The following ZBTB24 variants were observed in gnomAD, a reference collection of about 807,000 sequenced individuals.
ZBTB24 encodes the protein zinc finger and BTB domain containing 24, also known as zinc finger and BTB domain-containing protein 24.
Under a neutral mutation model 53.8 loss-of-function variants are expected in ZBTB24, and 32 were observed. The observed-to-expected ratio is 0.60, with a 90% CI of 0.45 to 0.80. The LOEUF (loss-of-function observed/expected upper bound fraction) is 0.80, where lower values mean the gene tolerates loss of function less well. ZBTB24 is among the 30% of genes least tolerant of loss of function. The probability of loss-of-function intolerance (pLI) is 0.00; values close to 1 mark genes in which losing one functional copy is unlikely to be tolerated. For synonymous variants in ZBTB24, 297 were observed against 306.7 expected (o/e 0.97, Z 0.33); for missense variants, 722 against 837.1 (o/e 0.86, Z 1.70).
intron 2 of ZBTB24, 143 bp from the exon 3 acceptor site, chr6:109,477,073 T>C (rs925712329): frequency 8.3e-7 from 1 of 1,210,798 alleles, no homozygotes; most frequent in Non-Finnish European, 1.2e-6. Flanking sequence ...ACATCAGCAA[T>C]AAAATTTTGG....
chr6:109,480,897 T>C lies in ZBTB24; in HGVS notation c.952+178A>G. On this transcript the variant is annotated intron_variant, in intron 2 of 6. Coordinates refer to ENST00000230122, the MANE Select transcript of ZBTB24 (RefSeq NM_014797.3). ...TAAATATGATTTTAATCATACAATG[T>C]ATAATGAGGATATTACCCACCTTGC... is the stretch of plus-strand genomic sequence containing the variant. 6.4e-6 allele frequency: 9 copies of C among 1,397,826 alleles called. 1 individual carries two copies. The South Asian group carries it at 1.2e-4, about 19-fold the overall frequency. 86.6% of individuals were successfully genotyped at this position (1,397,826 alleles called of 1,614,324 possible).
intron 2 of ZBTB24, among the ~76,000 whole-genome samples, chr6:109,478,739 C>A (rs761254056): frequency 6.6e-6 from 1 of 151,566 alleles, no homozygotes; most frequent in Non-Finnish European, 1.5e-5. Context: ...TTGCCAGTAG[C>A]TTTTAGCAAC....
Position 109,481,464 on chromosome 6 carries a change from A to C in ZBTB24, c.563T>G (p.Val188Gly), listed in dbSNP as rs1776412059. Residue 188 changes from valine to glycine, a missense_variant, in exon 2 of 7, where the codon GTG (valine) becomes GGG (glycine). Val to Gly is a moderately radical substitution (Grantham distance 109, BLOSUM62 -3). Coordinates refer to ENST00000230122, the MANE Select transcript of ZBTB24 (RefSeq NM_014797.3). ...LAAEEEIQLRVNNSVQNRQNF... is the reference protein window; with the variant it reads ...LAAEEEIQLRGNNSVQNRQNF... ...TTGTCTATTCTGAACTGAATTGTTC[A>C]CTCTTAACTGTATTTCTTCCTCTGC... The C allele has an allele frequency of 6.2e-7, 1 of 1,613,862 alleles. No individual in the cohort carries two copies. Among genetic ancestry groups the C allele is most frequent in the Non-Finnish European group, 8.5e-7 (1 of 1,180,018 alleles).
intron 5 of ZBTB24, among the ~76,000 whole-genome samples, chr6:109,470,645 G>A (rs1025038530): frequency 5.3e-5 from 8 of 152,190 alleles, no homozygotes; most frequent in African/African-American, 1.2e-4. Flanking sequence ...GTCCAGTTCC[G>A]TCCGTGTGGA....
chr6:109,479,963 A>T (rs1411338871), intron 2 of ZBTB24, among the ~76,000 whole-genome samples: 1 of 150,734 alleles, frequency 6.6e-6, no homozygotes, highest in Non-Finnish European at 1.5e-5. Flanking sequence ...AACCTATTAC[A>T]GTTCAACAAA....
chr6:109,467,460 T>A (rs1776071183), intron 6 of ZBTB24, 193 bp downstream of exon 6: 4 of 918,450 alleles, frequency 4.4e-6, no homozygotes, highest in Non-Finnish European at 3.9e-6. Flanking sequence ...CTCACACCAC[T>A]GCACTCCAGC....
At chr6:109,482,423 G>A (rs1024282384) in intron 1 of ZBTB24, among the ~76,000 whole-genome samples, 1 of 151,872 alleles carries the variant, frequency 6.6e-6, no homozygotes, top group African/African-American at 2.4e-5. Flanking sequence ...CCGTGATCGT[G>A]CCACTGCACT....
chr6:109,467,883 T>C (rs1368119024), intron 5 of ZBTB24, 149 bp from the exon 6 acceptor site: 8 of 871,702 alleles, frequency 9.2e-6, no homozygotes, highest in Non-Finnish European at 1.2e-5. Context: ...AAACGAATGA[T>C]GCACTCACCA....
In ZBTB24 at chr6:109,466,259, G is replaced by A. The variant is rs1025951778; in HGVS notation, c.1686C>T (p.Asn562=). The A allele has an allele frequency of 6.2e-7, 1 of 1,614,228 alleles. No homozygotes were observed. The highest frequency in any genetic ancestry group is 1.6e-4 in the Middle Eastern group (1 of 6,062). Reference sequence around the variant, plus strand: ...GGCTAGGACCGGGCATGAAATTGATGTTATGTACAGAATCGGTTACGAGAA... The same window carrying A: ...GGCTAGGACCGGGCATGAAATTGATATTATGTACAGAATCGGTTACGAGAA... ...IQLLVTDSVH[N]INFMPGPSQG... is the part of the protein sequence containing the mutation. The change falls in exon 7 of 7, where the codon AAC becomes AAT. Residue 562 remains asparagine (N), a synonymous_variant. Coordinates refer to ENST00000230122, the MANE Select transcript of ZBTB24 (RefSeq NM_014797.3).
At position 109,465,885 on chromosome 6, in the gene ZBTB24, G is replaced by C; in HGVS notation, c.2060C>G (p.Pro687Arg). ...PGPPPPTHHV[P>R]QPTPLGQEQS is the part of the protein sequence containing the mutation. ...CTCCTGGCCAAGTGGCGTTGGCTGG[G>C]GCACGTGGTGAGTGGGTGGTGGCGG... is the stretch of plus-strand genomic sequence containing the variant. The change falls in exon 7 of 7, where the codon CCC becomes CGC. Residue 687 changes from proline to arginine, a missense_variant. By Grantham distance (103) the Pro-to-Arg change is moderately radical. Coordinates refer to ENST00000230122, the MANE Select transcript of ZBTB24 (RefSeq NM_014797.3). The C allele has an allele frequency of 1.2e-6, 2 of 1,614,178 alleles. No homozygotes were observed. Among genetic ancestry groups the C allele is most frequent in the Non-Finnish European group, 1.7e-6 (2 of 1,180,044 alleles).
In ZBTB24 at chr6:109,481,591, G is replaced by C. The variant is rs905809861; in HGVS notation, c.436C>G (p.Pro146Ala). 1.2e-6 allele frequency: 2 copies of C among 1,614,020 alleles called. No individual in the cohort carries two copies. Among genetic ancestry groups the C allele is most frequent in the Non-Finnish European group, 1.7e-6 (2 of 1,180,056 alleles). The change falls in exon 2 of 7, where the codon CCA (proline) becomes GCA (alanine). Residue 146 changes from proline to alanine, a missense_variant. Physicochemically the swap from Pro to Ala is conservative, Grantham distance 27 (BLOSUM62 -1). Coordinates refer to ENST00000230122, the MANE Select transcript of ZBTB24 (RefSeq NM_014797.3). ...KPTTLNTAGA[P>A]VVVISNKKND... is the part of the protein sequence containing the mutation. The stretch of plus-strand genomic sequence containing the variant: ...TTCTTATTAGAGATAACAACCACTG[G>C]GGCACCAGCAGTGTTCAAAGTTGTT...
intron 6 of ZBTB24, 21 bp downstream of exon 6, chr6:109,467,632 A>C: frequency 6.2e-7 from 1 of 1,614,194 alleles, no homozygotes; most frequent in Non-Finnish European, 8.5e-7. Flanking sequence ...CCATGCGAGA[A>C]AAATATCTGC....
chr6:109,466,385 A>G lies in ZBTB24; in HGVS notation c.1560T>C (p.Asp520=). ...TACTACTGCCAGAAATGCTGCTGGCATCTGAAGCATGCTTCTCCTTGCTAT... is the reference window on the plus strand; with the variant it reads ...TACTACTGCCAGAAATGCTGCTGGCGTCTGAAGCATGCTTCTCCTTGCTAT... ...KIHSKEKHAS[D]ASSISGSSNT... Residue 520 remains aspartate, a synonymous_variant, in exon 7 of 7, where the codon GAT becomes GAC. Transcript: ENST00000230122. 6.2e-7 allele frequency: 1 copy of G among 1,614,212 alleles called. No homozygotes were observed. The highest frequency in any genetic ancestry group is 1.1e-5 in the South Asian group (1 of 91,088).
rs1287787601 is a variant in ZBTB24 at position 109,465,764 on chromosome 6, G to A, written c.*87C>T. 2 of 1,613,194 alleles carry A rather than the reference G, an allele frequency of 1.2e-6. No individual in the cohort carries two copies. Among genetic ancestry groups the A allele is most frequent in the East Asian group, 2.2e-5 (1 of 44,880 alleles). On this transcript the variant is annotated 3_prime_UTR_variant, in exon 7 of 7. Coordinates refer to ENST00000230122, the MANE Select transcript of ZBTB24 (RefSeq NM_014797.3). ...ACAGAAGCATCTGCAAGTCAATGGT[G>A]TGGAGAGCCTGATTTCAAGCGTTCA...
chr6:109,467,822 A>G (rs1776082362), intron 5 of ZBTB24, 88 bp from the exon 6 acceptor site: 30 of 1,448,798 alleles, frequency 2.1e-5, no homozygotes, highest in Non-Finnish European at 2.6e-5. Flanking sequence ...TTAAAAAAAC[A>G]CTTCGGTTTC....
At chr6:109,470,066 C>T (rs2115356520) in intron 5 of ZBTB24, among the ~76,000 whole-genome samples, 1 of 152,296 alleles carries the variant, frequency 6.6e-6, no homozygotes, top group East Asian at 1.9e-4. Context: ...GGACCTCTAA[C>T]AGGCTATGCA....
chr6:109,462,658 T>C lies in ZBTB24; in HGVS notation c.*3193A>G, dbSNP rs565969971. ...ACATTTATAACACAAGAACCAACTGTAGAAAATACAGAGTAGAGGTGAGTT... is the reference window on the plus strand; with the variant it reads ...ACATTTATAACACAAGAACCAACTGCAGAAAATACAGAGTAGAGGTGAGTT... On this transcript the variant is annotated 3_prime_UTR_variant, in exon 7 of 7. Coordinates refer to ENST00000230122, the MANE Select transcript of ZBTB24 (RefSeq NM_014797.3). 3.3e-5 allele frequency: 5 copies of C among 152,190 alleles called. No homozygotes were observed. Among genetic ancestry groups the C allele is most frequent in the South Asian group, 4.1e-4 (2 of 4,830 alleles). The allele number at this position is 152,190 out of a possible 1,614,324, so 9.4% of individuals were successfully genotyped here. A position where few individuals can be genotyped will look rare whatever the true frequency, so the allele number is the denominator to read the frequency against.
chr6:109,463,633 T>TCTAA lies in ZBTB24; in HGVS notation c.*2217_*2218insTTAG, dbSNP rs1775960281. On this transcript the variant is annotated 3_prime_UTR_variant, in exon 7 of 7. Coordinates refer to ENST00000230122, the MANE Select transcript of ZBTB24 (RefSeq NM_014797.3). ...AGAATCTGTTTTCAACTGTAAGTTG[T>TCTAA]ATGAAATCTAAATACAGATCAAGTA... The TCTAA allele has an allele frequency of 6.6e-6, 1 of 152,248 alleles. No homozygotes were observed. Among genetic ancestry groups the TCTAA allele is most frequent in the South Asian group, 2.1e-4 (1 of 4,838 alleles). 9.4% of individuals were successfully genotyped at this position (152,248 alleles called of 1,614,324 possible). A position where few individuals can be genotyped will look rare whatever the true frequency, so the allele number is the denominator to read the frequency against.
At chr6:109,466,689 AG>A (rs1776051156) in intron 6 of ZBTB24, 115 bp from the exon 7 acceptor site, 2 of 1,376,330 alleles carry the variant, frequency 1.5e-6, no homozygotes, top group Admixed American at 2.1e-5. Flanking sequence ...GCAAGTCATA[AG>A]TCATGGGTTC....
Sources: gnomAD v4.1 joint callset for allele counts (sites outside exome capture counted in the v4.1 genomes callset) on GRCh38, gnomAD v4.1.1 for gene constraint, MANE v1.5 for transcripts, NCBI Gene and HGNC (gene_info 2026-07-23, HGNC 2026-07-21) for gene names.